The following ARHGAP42 variants were observed in gnomAD, a reference collection of about 807,000 sequenced individuals.
ARHGAP42 encodes rho GTPase-activating protein 42.
Under a neutral mutation model 125.0 loss-of-function variants are expected in ARHGAP42, and 63 were observed. The ratio of observed to expected loss-of-function variants is 0.50; its 90% CI spans 0.41 to 0.62. The LOEUF (loss-of-function observed/expected upper bound fraction) is 0.62, where lower values mean the gene tolerates loss of function less well. Ranked by LOEUF, ARHGAP42 falls within the 20% of genes least tolerant of loss-of-function variation. ARHGAP42 has a pLI of 0.00. For missense variants in ARHGAP42, 766 were observed against 1,024.2 expected (o/e 0.75, Z 3.44); for synonymous variants, 339 against 351.0 (o/e 0.97, Z 0.38).
chr11:100,938,390 G>C (rs752028850), intron 8 of ARHGAP42, among the ~76,000 whole-genome samples: 34 of 151,752 alleles, frequency 2.2e-4, no homozygotes, highest in Non-Finnish European at 4.0e-4. Flanking sequence ...TGAATTGGAG[G>C]GTCTCACAGT....
intron 22 of ARHGAP42, chr11:100,986,426 G>T (rs1332044436): frequency 9.4e-6 from 2 of 212,696 alleles, no homozygotes; most frequent in East Asian, 1.5e-4. Flanking sequence ...GAGAGCAGAG[G>T]CAGGGACACA....
intron 1 of ARHGAP42, among the ~76,000 whole-genome samples, chr11:100,742,747 G>T (rs1862215233): frequency 6.6e-6 from 1 of 152,118 alleles, no homozygotes. Context: ...AATCTGGGAG[G>T]TCCAGTGTTA....
chr11:100,771,295 G>A (rs1026023431), intron 2 of ARHGAP42, among the ~76,000 whole-genome samples: 5 of 152,174 alleles, frequency 3.3e-5, no homozygotes, highest in African/African-American at 7.2e-5. Flanking sequence ...TGAAGAGGTC[G>A]TGTTATATGA....
At chr11:100,980,702 C>G (rs965917034) in intron 22 of ARHGAP42, among the ~76,000 whole-genome samples, 13 of 150,864 alleles carry the variant, frequency 8.6e-5, no homozygotes, top group African/African-American at 3.2e-4. Context: ...TCCCGAGTAG[C>G]TGGGATTACA....
intron 12 of ARHGAP42, among the ~76,000 whole-genome samples, chr11:100,952,882 C>T (rs1382293042): frequency 6.6e-6 from 1 of 152,002 alleles, no homozygotes; most frequent in East Asian, 1.9e-4. Flanking sequence ...CACATGCCAC[C>T]ACGCCCAGTG....
intron 1 of ARHGAP42, 85 bp downstream of exon 1, chr11:100,687,917 G>A: frequency 7.1e-7 from 1 of 1,401,154 alleles, no homozygotes; most frequent in Non-Finnish European, 9.5e-7. Context: ...TGGAGGAGTC[G>A]GAGCTTCTTT....
intron 4 of ARHGAP42, among the ~76,000 whole-genome samples, chr11:100,884,165 C>CA (rs1164020226): frequency 6.6e-6 from 1 of 152,036 alleles, no homozygotes; most frequent in Non-Finnish European, 1.5e-5. Flanking sequence ...AGTTTCATAA[C>CA]AAAAAAACTA....
At chr11:100,915,138 A>C (rs1183674870) in intron 5 of ARHGAP42, among the ~76,000 whole-genome samples, 2 of 152,212 alleles carry the variant, frequency 1.3e-5, no homozygotes, top group Non-Finnish European at 2.9e-5. Context: ...GATGGAAGAC[A>C]ATCTGCCATT....
At chr11:100,797,412 A>T (rs1189898957) in intron 3 of ARHGAP42, among the ~76,000 whole-genome samples, 1 of 152,160 alleles carries the variant, frequency 6.6e-6, no homozygotes, top group Non-Finnish European at 1.5e-5. Context: ...TTAGGTACTA[A>T]TGTAGCTGGT....
chr11:100,763,906 C>G (rs1193407769), intron 1 of ARHGAP42, among the ~76,000 whole-genome samples: 1 of 152,096 alleles, frequency 6.6e-6, no homozygotes, highest in African/African-American at 2.4e-5. Context: ...TGAAGTCTTG[C>G]TATTTTAAAA....
rs1297343872 is a variant in ARHGAP42, at chr11:100,965,681, T to C, written c.1455T>C (p.Asp485=). The C allele has an allele frequency of 1.3e-6, 2 of 1,550,202 alleles. No homozygotes were observed. The highest frequency in any genetic ancestry group is 1.7e-6 in the Non-Finnish European group (2 of 1,146,888). Residue 485 remains aspartate, a synonymous_variant, in exon 17 of 24, where the codon GAT becomes GAC. Coordinates refer to ENST00000298815, the MANE Select transcript of ARHGAP42 (RefSeq NM_152432.4). ...KDFIIAVKSD[D]QNYRVEAVHA... is the part of the protein sequence containing the mutation. ...TTTTTTATGTAACAGAATCTGATGA[T>C]CAAAACTACAGGGTGGAGGCTGTAC...
chr11:100,796,749 T>A (rs1324755763), intron 3 of ARHGAP42, among the ~76,000 whole-genome samples: 2 of 148,810 alleles, frequency 1.3e-5, no homozygotes, highest in East Asian at 4.0e-4. Context: ...TGAGAACAAG[T>A]CCCTAACTCT....
intron 1 of ARHGAP42, among the ~76,000 whole-genome samples, chr11:100,749,457 A>G (rs1294707096): frequency 6.7e-6 from 1 of 150,056 alleles, no homozygotes; most frequent in Non-Finnish European, 1.5e-5. Flanking sequence ...CGGAAGGCTA[A>G]CCCCTCAAAC....
chr11:100,829,635 CT>C (rs1231748020), intron 3 of ARHGAP42, among the ~76,000 whole-genome samples: 2 of 152,160 alleles, frequency 1.3e-5, no homozygotes, highest in Non-Finnish European at 2.9e-5. Context: ...AGAAATTACC[CT>C]TTTTCATATT....
At chr11:100,935,577 G>T (rs1480297398) in intron 7 of ARHGAP42, among the ~76,000 whole-genome samples, 1 of 151,688 alleles carries the variant, frequency 6.6e-6, no homozygotes, top group East Asian at 1.9e-4. Context: ...CAAATTTTAT[G>T]TAGTGCATCC....
At chr11:100,820,922 T>G (rs1333221028) in intron 3 of ARHGAP42, among the ~76,000 whole-genome samples, 1 of 144,314 alleles carries the variant, frequency 6.9e-6, no homozygotes, top group African/African-American at 2.7e-5. Flanking sequence ...ACTTTTTTTT[T>G]TTTAAATTAA....
At chr11:100,762,995 T>C (rs1299843349) in intron 1 of ARHGAP42, among the ~76,000 whole-genome samples, 1 of 121,368 alleles carries the variant, frequency 8.2e-6, no homozygotes, top group Non-Finnish European at 1.8e-5. Flanking sequence ...TTTTTTTTTT[T>C]TGAGATGGAG....
At chr11:100,943,368 T>G (rs190253644) in intron 9 of ARHGAP42, among the ~76,000 whole-genome samples, 1 of 152,078 alleles carries the variant, frequency 6.6e-6, no homozygotes, top group African/African-American at 2.4e-5. Context: ...GAGTTTTGAT[T>G]AAGAGCACCA....
chr11:100,822,955 A>C (rs1864437006), intron 3 of ARHGAP42, among the ~76,000 whole-genome samples: 1 of 152,096 alleles, frequency 6.6e-6, no homozygotes, highest in African/African-American at 2.4e-5. Flanking sequence ...TCAGAAGTGG[A>C]GTGTTTGCTG....
Sources: allele counts gnomAD v4.1 joint callset (sites outside exome capture counted in the v4.1 genomes callset), GRCh38; gene constraint gnomAD v4.1.1; transcripts MANE v1.5; gene names NCBI Gene and HGNC (gene_info 2026-07-23, HGNC 2026-07-21).